MVB12A: variants seen among roughly 807,000 people sequenced by gnomAD.
The protein encoded by MVB12A is multivesicular body subunit 12A.
A neutral mutation model predicts 34.3 loss-of-function variants in MVB12A; 30 were observed. That is an observed-to-expected ratio of 0.88 (90% CI 0.65 to 1.19). The LOEUF is 1.19. MVB12A is among the 50% of genes most tolerant of loss of function. MVB12A has a pLI of 0.00. For missense variants in MVB12A, 355 were observed against 369.2 expected (o/e 0.96, Z 0.31); for synonymous variants, 158 against 158.9 (o/e 0.99, Z 0.04).
At chr19:17,424,527 G>C in intron 7 of MVB12A, 94 bp from the exon 8 acceptor site, 1 of 1,254,394 alleles carries the variant, frequency 8.0e-7, no homozygotes, top group Non-Finnish European at 1.1e-6. Flanking sequence ...AATATTCGGG[G>C]AGTGTTGGGG....
rs139434905 is a variant in MVB12A at position 17,424,400 on chromosome 19, G to A, written c.703-221G>A. Among the ~76,000 whole-genome samples the A allele has an allele frequency of 4.8e-3, 728 of 152,216 alleles. 5 individuals are homozygous for A. The highest frequency in any genetic ancestry group is 0.017 in the African/African-American group (698 of 41,530). On this transcript the variant is annotated intron_variant, in intron 7 of 8. Transcript: ENST00000317040. ...AGATCGAGACCAGCCTGGCCAACATGGTGAAACCTCGTCTCTATTGAAAAT... is the reference window on the plus strand; with the variant it reads ...AGATCGAGACCAGCCTGGCCAACATAGTGAAACCTCGTCTCTATTGAAAAT...
chr19:17,423,360 C>CAA (rs375399762), intron 4 of MVB12A, 138 bp from the exon 5 acceptor site: 4,941 of 884,464 alleles, frequency 5.6e-3, no homozygotes, highest in Middle Eastern at 8.1e-3. Flanking sequence ...ACTCCGTCCC[C>CAA]AAAAAAAAAA....
intron 4 of MVB12A, 184 bp downstream of exon 4, chr19:17,422,642 A>T: frequency 6.0e-6 from 3 of 499,032 alleles, no homozygotes; most frequent in Non-Finnish European, 9.9e-6. Flanking sequence ...GGAGTCAGTG[A>T]CTTGGTGTCT....
At chr19:17,409,532 T>G (rs981704127) in intron 2 of MVB12A, among the ~76,000 whole-genome samples, 2 of 140,056 alleles carry the variant, frequency 1.4e-5, no homozygotes, top group African/African-American at 5.3e-5. Flanking sequence ...CACCACAACC[T>G]CTGCCTCCTG....
chr19:17,412,322 A>G (rs2074774504), intron 2 of MVB12A, among the ~76,000 whole-genome samples: 1 of 152,058 alleles, frequency 6.6e-6, no homozygotes, highest in Non-Finnish European at 1.5e-5. Context: ...GCTGGAGTGC[A>G]GTAATGCAGT....
chr19:17,412,368 G>A (rs1269243450), intron 2 of MVB12A, among the ~76,000 whole-genome samples: 1 of 152,182 alleles, frequency 6.6e-6, no homozygotes. Context: ...CCTGGTTCAA[G>A]TGATTGTCCT....
At chr19:17,406,614 C>T (rs568785749) in intron 2 of MVB12A, among the ~76,000 whole-genome samples, 4 of 152,108 alleles carry the variant, frequency 2.6e-5, no homozygotes, top group African/African-American at 9.6e-5. Context: ...TCCCCCCAGG[C>T]CCTGACTCCA....
intron 2 of MVB12A, chr19:17,413,260 G>C (rs1223956620): frequency 6.6e-6 from 1 of 152,124 alleles, no homozygotes; most frequent in East Asian, 1.9e-4. Context: ...ACTTAGGCAG[G>C]AGGATCACTC....
At chr19:17,413,615 T>C (rs2074782218) in intron 2 of MVB12A, among the ~76,000 whole-genome samples, 1 of 151,820 alleles carries the variant, frequency 6.6e-6, no homozygotes, top group Non-Finnish European at 1.5e-5. Flanking sequence ...GCCCAAGGGG[T>C]AGGAGGGTCC....
At chr19:17,416,855 A>C (rs1037740746), upstream of MVB12A, among the ~76,000 whole-genome samples, 2 of 148,168 alleles carry the variant, frequency 1.3e-5, no homozygotes, top group African/African-American at 2.5e-5. Flanking sequence ...GTGCACCACC[A>C]CCCCCTGCTA....
Position 17,424,989 on chromosome 19 carries a change from CAT to C in MVB12A, c.820_821del (p.Ter274ValfsTer87). On this transcript the variant is annotated frameshift_variant and stop_lost, in exon 9 of 9. Transcript: ENST00000317040. LOFTEE classifies it high-confidence loss of function. ...GCTGCCCGCCTGCCCCCCAGCGTCTCATAGTCCCTCACCCTTCCGCGGAAAGA... is the reference window on the plus strand; with the variant it reads ...GCTGCCCGCCTGCCCCCCAGCGTCTCAGTCCCTCACCCTTCCGCGGAAAGA... 1 of 1,606,036 alleles carries C rather than the reference CAT, an allele frequency of 6.2e-7. No homozygotes were observed. Among genetic ancestry groups the C allele is most frequent in the South Asian group, 1.1e-5 (1 of 90,386 alleles).
At chr19:17,405,754 C>T in exon 1 of MVB12A, 2 of 546,376 alleles carry the variant, frequency 3.7e-6, no homozygotes, top group Non-Finnish European at 6.2e-6. Context: ...TTTTCAGTTT[C>T]AGTTTCCCAG....
At chr19:17,405,883 G>T (rs2145746944) in intron 1 of MVB12A, 1 of 285,864 alleles carries the variant, frequency 3.5e-6, no homozygotes, top group East Asian at 8.0e-5. Flanking sequence ...CCTCTGCTGT[G>T]TGTTACTGAG....
intron 2 of MVB12A, among the ~76,000 whole-genome samples, chr19:17,408,053 G>A (rs547555575): frequency 6.6e-6 from 1 of 152,160 alleles, no homozygotes; most frequent in African/African-American, 2.4e-5. Context: ...GTTTTTCCTA[G>A]GTTATGATTG....
At chr19:17,417,595 G>C (rs1163453414), upstream of MVB12A, 1 of 151,060 alleles carries the variant, frequency 6.6e-6, no homozygotes, top group Non-Finnish European at 1.5e-5. Context: ...AACAGAGCGA[G>C]ACTCCGTCTC....
At chr19:17,424,758 C>A in intron 8 of MVB12A, 81 bp downstream of exon 8, 1 of 1,510,548 alleles carries the variant, frequency 6.6e-7, no homozygotes, top group Non-Finnish European at 9.0e-7. Flanking sequence ...CCTCGTCCGC[C>A]CCAGGCTGTC....
intron 2 of MVB12A, among the ~76,000 whole-genome samples, chr19:17,409,441 CT>C (rs781196057): frequency 0.12 from 9,558 of 78,244 alleles, 270 homozygotes; most frequent in South Asian, 0.25. Flanking sequence ...TCTGCCATTA[CT>C]TTTTTTTTTT....
At chr19:17,410,941 AAG>A (rs2074765378) in intron 2 of MVB12A, among the ~76,000 whole-genome samples, 1 of 146,076 alleles carries the variant, frequency 6.8e-6, no homozygotes, top group Non-Finnish European at 1.5e-5. Context: ...AAAAAAAAAA[AAG>A]AAAAGAAACA....
chr19:17,407,068 C>T (rs73921428), intron 2 of MVB12A, among the ~76,000 whole-genome samples: 2,182 of 152,266 alleles, frequency 0.014, 39 homozygotes, highest in African/African-American at 0.048. Context: ...ATGAATTGCA[C>T]ATTGGAGGCC....
Sources: allele counts gnomAD v4.1 joint callset (sites outside exome capture counted in the v4.1 genomes callset), GRCh38; gene constraint gnomAD v4.1.1; transcripts MANE v1.5; gene names NCBI Gene and HGNC (gene_info 2026-07-23, HGNC 2026-07-21).